Variants in EIF4EBP2 observed in about 807,000 individuals in gnomAD.
EIF4EBP2 encodes eukaryotic translation initiation factor 4E binding protein 2.
In EIF4EBP2, 5 loss-of-function variants were observed where a neutral mutation model predicts 10.3. The observed-to-expected ratio is 0.48, with a 90% CI of 0.25 to 1.02. The LOEUF is 1.02. Ranked by LOEUF, EIF4EBP2 falls within the 50% of genes least tolerant of loss-of-function variation. The pLI, the probability that EIF4EBP2 is intolerant of heterozygous loss-of-function variation, is 0.15. For synonymous variants in EIF4EBP2, 67 were observed against 61.1 expected, an observed-to-expected ratio of 1.10 and a Z score of -0.45; for missense variants, 188 against 162.2, an observed-to-expected ratio of 1.16 and a Z score of -0.86.
chr10:70,404,501 TA>T lies in EIF4EBP2; in HGVS notation c.101del (p.Tyr34PhefsTer54). On this transcript the variant is annotated frameshift_variant, in exon 1 of 3. Coordinates refer to ENST00000373218, the MANE Select transcript of EIF4EBP2 (RefSeq NM_004096.5). LOFTEE classifies it high-confidence loss of function. ...CGACGCCGCGCAGCTACCTCATGACTATTGCACCACGCCCGGGGGGACGCTC... is the reference window on the plus strand; with the variant it reads ...CGACGCCGCGCAGCTACCTCATGACTTTGCACCACGCCCGGGGGGACGCTC... Reference protein sequence around the residue: ...ISDAAQLPHDYCTTPGGTLFS... With the variant: ...ISDAAQLPHDXCTTPGGTLFS... The T allele has an allele frequency of 1.9e-6, 3 of 1,595,376 alleles. No homozygotes were observed. The highest frequency in any genetic ancestry group is 2.6e-6 in the Non-Finnish European group (3 of 1,173,550).
chr10:70,411,007 A>T (rs1845038462), intron 1 of EIF4EBP2, among the ~76,000 whole-genome samples: 2 of 152,178 alleles, frequency 1.3e-5, no homozygotes, highest in Non-Finnish European at 2.9e-5. Flanking sequence ...TTTTGTAAGC[A>T]TCTTTTTTCT....
rs756491672 is a variant in EIF4EBP2 at position 70,424,774 on chromosome 10, T to G, written c.*3027T>G. On this transcript the variant is annotated 3_prime_UTR_variant, in exon 3 of 3. Transcript: ENST00000373218. ...AGACATGCATTGTCATGATTCTGTC[T>G]TCTTTTTAGTGTGGTTTATTGAGTT... is the stretch of plus-strand genomic sequence containing the variant. 3.3e-5 allele frequency: 5 copies of G among 152,216 alleles called. No individual in the cohort carries two copies. The highest frequency in any genetic ancestry group is 7.3e-5 in the Non-Finnish European group (5 of 68,046). The allele number at this position is 152,216 out of a possible 1,614,324, so 9.4% of individuals were successfully genotyped here.
intron 1 of EIF4EBP2, 135 bp downstream of exon 1, chr10:70,404,681 C>T (rs1844950248): frequency 8.3e-7 from 1 of 1,198,972 alleles, no homozygotes; most frequent in South Asian, 1.8e-5. Context: ...CTTGGGCCCG[C>T]CCGAGCGTTC....
At position 70,404,342 on chromosome 10, in the gene EIF4EBP2, C is replaced by T. The variant is rs190520529; in HGVS notation, c.-60C>T. On this transcript the variant is annotated 5_prime_UTR_variant, in exon 1 of 3. Coordinates refer to ENST00000373218, the MANE Select transcript of EIF4EBP2 (RefSeq NM_004096.5). ...CCGTCCGCCTGAGGAGCCGAAGCAG[C>T]CCCGGCCCCGCCGCCGCCGCCTGCC... The T allele has an allele frequency of 2.5e-5, 37 of 1,480,836 alleles. No individual in the cohort carries two copies. In the East Asian group the frequency reaches 9.3e-4, roughly 37 times the overall value. The allele number at this position is 1,480,836 out of a possible 1,614,324, so 91.7% of individuals were successfully genotyped here.
rs1564659344 is a variant in EIF4EBP2, at chr10:70,404,542, G to A, written c.141G>A (p.Pro47=). ...GGGGGACGCTCTTCTCCACCACACC[G>A]GGAGGTGAGCGCCGGCCAGCCGTCC... ...TPGGTLFSTT[P]GGTRIIYDRK... is the part of the protein sequence containing the mutation. The change falls in exon 1 of 3, where the codon CCG becomes CCA. Residue 47 remains proline (P), a synonymous_variant. Coordinates refer to ENST00000373218, the MANE Select transcript of EIF4EBP2 (RefSeq NM_004096.5). The A allele has an allele frequency of 6.4e-7, 1 of 1,571,598 alleles. No homozygotes were observed. Among genetic ancestry groups the A allele is most frequent in the South Asian group, 1.2e-5 (1 of 86,828 alleles).
chr10:70,406,452 T>G (rs569610105), intron 1 of EIF4EBP2, among the ~76,000 whole-genome samples: 2 of 152,314 alleles, frequency 1.3e-5, no homozygotes, highest in Non-Finnish European at 2.9e-5. Context: ...TGCCTGTGCT[T>G]CCAGAAGTTC....
In EIF4EBP2 at chr10:70,404,261, G is replaced by A. The variant is rs1844944272; in HGVS notation, c.-141G>A. ...CGGCTGAGAGGGCGGCGGCGGGAGCGGAGCGGGACGAGGGAACGGGAGGAA... is the reference window on the plus strand; with the variant it reads ...CGGCTGAGAGGGCGGCGGCGGGAGCAGAGCGGGACGAGGGAACGGGAGGAA... On this transcript the variant is annotated 5_prime_UTR_variant, in exon 1 of 3. Coordinates refer to ENST00000373218, the MANE Select transcript of EIF4EBP2 (RefSeq NM_004096.5). The A allele has an allele frequency of 1.8e-6, 2 of 1,101,506 alleles. No homozygotes were observed. Among genetic ancestry groups the A allele is most frequent in the Non-Finnish European group, 2.4e-6 (2 of 835,410 alleles). The allele number at this position is 1,101,506 out of a possible 1,614,324, so 68.2% of individuals were successfully genotyped here.
At chr10:70,409,074 C>T (rs185784297) in intron 1 of EIF4EBP2, among the ~76,000 whole-genome samples, 81 of 152,320 alleles carry the variant, frequency 5.3e-4, no homozygotes, top group Non-Finnish European at 1.0e-3. Flanking sequence ...CTTAGAGTTT[C>T]TCCCCCTTGA....
chr10:70,411,495 C>T (rs1404423132), intron 1 of EIF4EBP2, among the ~76,000 whole-genome samples: 2 of 152,064 alleles, frequency 1.3e-5, no homozygotes, highest in African/African-American at 2.4e-5. Context: ...TCCGATGCCC[C>T]GTTCCTTCAT....
rs1564664995 is a variant in EIF4EBP2, at chr10:70,428,115, G to A, written c.*6368G>A. On this transcript the variant is annotated 3_prime_UTR_variant, in exon 3 of 3. Coordinates refer to ENST00000373218, the MANE Select transcript of EIF4EBP2 (RefSeq NM_004096.5). ...CTGTATCTACATTGCTGAGTGCTGT[G>A]CGCCAGTGCCTTTCCTTCATCTGCA... 1 of 151,946 alleles carries A rather than the reference G, an allele frequency of 6.6e-6. No individual in the cohort carries two copies. The highest frequency in any genetic ancestry group is 6.6e-5 in the Admixed American group (1 of 15,256). The allele number at this position is 151,946 out of a possible 1,614,324, so 9.4% of individuals were successfully genotyped here. A position where few individuals can be genotyped will look rare whatever the true frequency, so the allele number is the denominator to read the frequency against.
At chr10:70,410,842 G>A (rs1377438714) in intron 1 of EIF4EBP2, among the ~76,000 whole-genome samples, 1 of 152,116 alleles carries the variant, frequency 6.6e-6, no homozygotes, top group African/African-American at 2.4e-5. Context: ...AGACATAGCT[G>A]GAGAATTGTC....
intron 1 of EIF4EBP2, among the ~76,000 whole-genome samples, chr10:70,408,842 A>G (rs1177712168): frequency 2.0e-5 from 3 of 152,232 alleles, no homozygotes; most frequent in Admixed American, 1.3e-4. Context: ...GTCAAGTGCT[A>G]ACATATATTT....
In EIF4EBP2 at chr10:70,421,175, C is replaced by T. The variant is rs148490342; in HGVS notation, c.332-541C>T. ...TTATTTCCTCTATTTTCCAGAACTG[C>T]GTTTAAGGTTTACCTAAATTACCCC... On this transcript the variant is annotated intron_variant, in intron 2 of 2. Coordinates refer to ENST00000373218, the MANE Select transcript of EIF4EBP2 (RefSeq NM_004096.5). Among the ~76,000 whole-genome samples the T allele has an allele frequency of 4.6e-5, 7 of 152,186 alleles. No individual in the cohort carries two copies. The East Asian group carries it at 7.7e-4, about 17-fold the overall frequency.
At chr10:70,418,850 C>G (rs1368315818) in intron 1 of EIF4EBP2, among the ~76,000 whole-genome samples, 1 of 152,318 alleles carries the variant, frequency 6.6e-6, no homozygotes, top group African/African-American at 2.4e-5. Context: ...GGATCTTGCT[C>G]TGTTGCCCAG....
At chr10:70,413,835 C>T (rs1013601133) in intron 1 of EIF4EBP2, among the ~76,000 whole-genome samples, 15 of 152,072 alleles carry the variant, frequency 9.9e-5, no homozygotes, top group African/African-American at 3.1e-4. Context: ...TTTTGTAACA[C>T]TCCATCAATT....
intron 1 of EIF4EBP2, among the ~76,000 whole-genome samples, chr10:70,411,236 C>T (rs1043616208): frequency 2.3e-4 from 35 of 152,156 alleles, no homozygotes; most frequent in African/African-American, 9.7e-5. Flanking sequence ...TTAAGCAGTA[C>T]CACCGCAGCC....
chr10:70,411,580 T>G (rs549317485), intron 1 of EIF4EBP2, among the ~76,000 whole-genome samples: 1 of 152,304 alleles, frequency 6.6e-6, no homozygotes, highest in African/African-American at 2.4e-5. Context: ...CCTCCTGGGC[T>G]CAGCCTCCTG....
rs1234196288 is a variant in EIF4EBP2 at position 70,424,347 on chromosome 10, T to C, written c.*2600T>C. 6.6e-6 allele frequency: 1 copy of C among 152,240 alleles called. No homozygotes were observed. The highest frequency in any genetic ancestry group is 1.5e-5 in the Non-Finnish European group (1 of 68,034). 9.4% of individuals were successfully genotyped at this position (152,240 alleles called of 1,614,324 possible). A position where few individuals can be genotyped will look rare whatever the true frequency, so the allele number is the denominator to read the frequency against. On this transcript the variant is annotated 3_prime_UTR_variant, in exon 3 of 3. Coordinates refer to ENST00000373218, the MANE Select transcript of EIF4EBP2 (RefSeq NM_004096.5). ...TTCTCTGCAAGGACTTCCTTACAGC[T>C]TGGTGCAGTTCTTTCCCAGAGGCCA... is the stretch of plus-strand genomic sequence containing the variant.
At chr10:70,420,138 C>G (rs1845139219) in intron 2 of EIF4EBP2, 39 bp downstream of exon 2, 1 of 1,527,848 alleles carries the variant, frequency 6.5e-7, no homozygotes, top group Non-Finnish European at 8.8e-7. Context: ...GAGCGTGGCT[C>G]TTGGAATTTG....
Sources: allele counts gnomAD v4.1 joint callset (sites outside exome capture counted in the v4.1 genomes callset), GRCh38; gene constraint gnomAD v4.1.1; transcripts MANE v1.5; gene names NCBI Gene and HGNC (gene_info 2026-07-23, HGNC 2026-07-21).